FBN2: variants seen among roughly 807,000 people sequenced by gnomAD.
The protein encoded by FBN2 is fibrillin-2.
FBN2 carries 105 observed loss-of-function variants against 355.6 expected under a neutral mutation model. The observed-to-expected ratio is 0.30, with a 90% CI of 0.25 to 0.35. The LOEUF is 0.35. FBN2 is among the 10% of genes least tolerant of loss of function. The probability of loss-of-function intolerance (pLI) is 1.00; values close to 1 mark genes in which losing one functional copy is unlikely to be tolerated. For missense variants in FBN2, 3,280 were observed against 3,758.7 expected (o/e 0.87, Z 3.33); for synonymous variants, 1,350 against 1,301.2 (o/e 1.04, Z -0.81).
At chr5:128,339,204 G>C in intron 25 of FBN2, 143 bp from the exon 26 acceptor site, 1 of 787,992 alleles carries the variant, frequency 1.3e-6, no homozygotes. Flanking sequence ...CAGATAGAAG[G>C]GCCTGGGACC....
At chr5:128,344,623 A>G (rs1054755160) in intron 24 of FBN2, 113 bp from the exon 25 acceptor site, 4 of 940,972 alleles carry the variant, frequency 4.3e-6, no homozygotes, top group Admixed American at 1.8e-5. Flanking sequence ...CAAGTAAAAA[A>G]CAGGGCTACT....
chr5:128,380,895 T>C (rs1448506846), intron 11 of FBN2, among the ~76,000 whole-genome samples: 2 of 152,066 alleles, frequency 1.3e-5, no homozygotes, highest in African/African-American at 2.4e-5. Context: ...CTTAGTATGT[T>C]TTCATTGGGG....
In FBN2 at chr5:128,289,917, T is replaced by C; in HGVS notation, c.6476A>G (p.His2159Arg). The C allele has an allele frequency of 6.2e-7, 1 of 1,605,894 alleles. No individual in the cohort carries two copies. The highest frequency in any genetic ancestry group is 1.1e-5 in the South Asian group (1 of 90,886). The change falls in exon 51 of 65, where the codon CAT (histidine) becomes CGT (arginine). Residue 2159 changes from histidine to arginine, a missense_variant. This residue lies in a region of FBN2 where 2,284 missense variants were observed against 2,749.5 expected (regional missense o/e 0.83). Coordinates refer to ENST00000262464, the MANE Select transcript of FBN2 (RefSeq NM_001999.4). Reference protein sequence around the residue: ...VAFQDLCPYGHGTVPSLHDTR... With the variant: ...VAFQDLCPYGRGTVPSLHDTR... Reference sequence around the variant, plus strand: ...ATCATGAAGACTAGGGACAGTTCCATGGCCATATGGACACAAATCCTGAAA... The same window carrying C: ...ATCATGAAGACTAGGGACAGTTCCACGGCCATATGGACACAAATCCTGAAA...
intron 7 of FBN2, among the ~76,000 whole-genome samples, chr5:128,425,027 TTTC>T (rs1389124423): frequency 1.3e-5 from 2 of 152,020 alleles, no homozygotes; most frequent in Non-Finnish European, 2.9e-5. Flanking sequence ...TTTTTTTTTT[TTTC>T]TCTCTCTGTC....
chr5:128,499,727 C>T (rs748381159), intron 5 of FBN2, among the ~76,000 whole-genome samples: 2 of 152,092 alleles, frequency 1.3e-5, no homozygotes, highest in South Asian at 2.1e-4. Flanking sequence ...TAAATTGACA[C>T]GCTCAAGAAC....
intron 19 of FBN2, among the ~76,000 whole-genome samples, chr5:128,359,462 T>G (rs1254005917): frequency 2.0e-5 from 3 of 152,068 alleles, no homozygotes; most frequent in Non-Finnish European, 4.4e-5. Context: ...TGCAAAACTC[T>G]TAATAAAATG....
intron 4 of FBN2, among the ~76,000 whole-genome samples, chr5:128,523,231 G>A (rs1029214155): frequency 6.6e-5 from 10 of 152,142 alleles, no homozygotes; most frequent in African/African-American, 2.4e-4. Flanking sequence ...AAGTTAAAAT[G>A]TTAACAAGAG....
chr5:128,313,377 T>C (rs1403944164), intron 36 of FBN2, among the ~76,000 whole-genome samples: 1 of 152,184 alleles, frequency 6.6e-6, no homozygotes, highest in Non-Finnish European at 1.5e-5. Context: ...TCTAGACCCT[T>C]CTACCAATTG....
chr5:128,523,466 A>C (rs1280340268), intron 4 of FBN2, among the ~76,000 whole-genome samples: 1 of 152,126 alleles, frequency 6.6e-6, no homozygotes, highest in Non-Finnish European at 1.5e-5. Context: ...AGCTACAACA[A>C]CTTCCTAATG....
At chr5:128,309,962 A>T (rs768428051) in intron 40 of FBN2, 21 bp downstream of exon 40, 2 of 1,613,020 alleles carry the variant, frequency 1.2e-6, no homozygotes, top group South Asian at 1.1e-5. Context: ...GCTCTAATTA[A>T]TCTCAGAGTT....
chr5:128,294,653 T>A (rs944637100), intron 48 of FBN2, among the ~76,000 whole-genome samples: 1 of 148,140 alleles, frequency 6.8e-6, no homozygotes, highest in African/African-American at 2.5e-5. Flanking sequence ...GAAGTGTCTG[T>A]TCATGTCCTT....
chr5:128,329,145 T>C lies in FBN2; in HGVS notation c.4346-324A>G, dbSNP rs113215216. On this transcript the variant is annotated intron_variant, in intron 33 of 64. Coordinates refer to ENST00000262464, the MANE Select transcript of FBN2 (RefSeq NM_001999.4). Reference sequence around the variant, plus strand: ...TTGTCAGTAGTATGCCAACATTATTTAGATATGAAAAAGAACATTGGAATT... The same window carrying C: ...TTGTCAGTAGTATGCCAACATTATTCAGATATGAAAAAGAACATTGGAATT... Among the ~76,000 whole-genome samples, 131 of 152,276 alleles carry C rather than the reference T, an allele frequency of 8.6e-4. 2 individuals are homozygous for C. Among genetic ancestry groups the C allele is most frequent in the Middle Eastern group, 6.8e-3 (2 of 294 alleles).
intron 16 of FBN2, among the ~76,000 whole-genome samples, chr5:128,368,329 T>C (rs1751827205): frequency 6.6e-6 from 1 of 151,288 alleles, no homozygotes; most frequent in Non-Finnish European, 1.5e-5. Flanking sequence ...ACCTAAGAGT[T>C]TGGAACTATT....
intron 35 of FBN2, among the ~76,000 whole-genome samples, chr5:128,318,663 TAACA>T (rs1561767953): frequency 2.0e-5 from 3 of 152,210 alleles, no homozygotes; most frequent in African/African-American, 7.2e-5. Flanking sequence ...GTCAGATATT[TAACA>T]ATCATACAGA....
intron 7 of FBN2, among the ~76,000 whole-genome samples, chr5:128,419,276 T>C (rs1753283058): frequency 6.6e-6 from 1 of 152,150 alleles, no homozygotes; most frequent in African/African-American, 2.4e-5. Context: ...GTTTTACTTC[T>C]TTTTTTCCAG....
At chr5:128,273,193 AT>A (rs1213010198) in intron 61 of FBN2, among the ~76,000 whole-genome samples, 1 of 152,138 alleles carries the variant, frequency 6.6e-6, no homozygotes, top group Non-Finnish European at 1.5e-5. Flanking sequence ...ATCCTAATAC[AT>A]TTTTCTTGTC....
chr5:128,345,588 C>T lies in FBN2; in HGVS notation c.2990-4G>A. On this transcript the variant is annotated splice_region_variant and splice_polypyrimidine_tract_variant and intron_variant, in intron 23 of 64. Transcript: ENST00000262464. ...TAACACTGCTCCATGCGAATATCTA[C>T]ACCGAGAACGAAATCACAGGGTGAG... is the stretch of plus-strand genomic sequence containing the variant. 1.2e-6 allele frequency: 2 copies of T among 1,610,672 alleles called. No individual in the cohort carries two copies. Among genetic ancestry groups the T allele is most frequent in the Admixed American group, 1.7e-5 (1 of 60,030 alleles).
At chr5:128,415,368 C>G (rs1753167577) in intron 7 of FBN2, among the ~76,000 whole-genome samples, 1 of 152,154 alleles carries the variant, frequency 6.6e-6, no homozygotes, top group South Asian at 2.1e-4. Flanking sequence ...TATGGCCAAA[C>G]ATCCTTCCCA....
rs1753807921 is a variant in FBN2, at chr5:128,437,775, TAG to T, written c.952+8704_952+8705del. On this transcript the variant is annotated intron_variant, in intron 7 of 64. Transcript: ENST00000262464. ...TAGATAGATAAATAGTATGTATGTATAGATAGATAGATAGATAGATAGATAGA... is the reference window on the plus strand; with the variant it reads ...TAGATAGATAAATAGTATGTATGTATATAGATAGATAGATAGATAGATAGA... 5.1e-4 allele frequency among the ~76,000 whole-genome samples: 6 copies of T among 11,702 alleles called. No homozygotes were observed. The South Asian group carries it at 0.015, about 30-fold the overall frequency. 7.7% of individuals were successfully genotyped at this position (11,702 alleles called of 152,430 possible). A position where few individuals can be genotyped will look rare whatever the true frequency, so the allele number is the denominator to read the frequency against.
Sources: allele counts gnomAD v4.1 joint callset (sites outside exome capture counted in the v4.1 genomes callset), GRCh38; gene constraint gnomAD v4.1.1; regional missense constraint gnomAD v4.1.1; transcripts MANE v1.5; gene names NCBI Gene and HGNC (gene_info 2026-07-23, HGNC 2026-07-21).